Variants in SETD7 observed in about 807,000 individuals in gnomAD.
SETD7 encodes histone-lysine N-methyltransferase SETD7.
In SETD7, 16 loss-of-function variants were observed where a neutral mutation model predicts 41.8. That is an observed-to-expected ratio of 0.38 (90% confidence interval 0.26 to 0.58). The LOEUF is 0.58. Among genes scored for constraint, SETD7 ranks in the 20% least tolerant of loss-of-function variants. The probability of loss-of-function intolerance (pLI) is 0.64; values close to 1 mark genes in which losing one functional copy is unlikely to be tolerated. For synonymous variants in SETD7, 163 were observed against 169.7 expected, an observed-to-expected ratio of 0.96 and a Z score of 0.31; for missense variants, 346 against 459.7, an observed-to-expected ratio of 0.75 and a Z score of 2.26.
chr4:139,551,451 TTATC>T (rs1354968678), intron 1 of SETD7, among the ~76,000 whole-genome samples: 127 of 152,372 alleles, frequency 8.3e-4, no homozygotes, highest in Admixed American at 2.5e-3. Context: ...TCTATGGTCA[TTATC>T]TATTGAACAG....
At chr4:139,501,370 G>A (rs994788739), downstream of SETD7, among the ~76,000 whole-genome samples, 5 of 149,560 alleles carry the variant, frequency 3.3e-5, no homozygotes, top group African/African-American at 7.4e-5. Flanking sequence ...CTTATAAGTG[G>A]GAGCTAAGCT....
At chr4:139,549,377 G>A (rs1013031695) in intron 1 of SETD7, among the ~76,000 whole-genome samples, 6 of 152,064 alleles carry the variant, frequency 3.9e-5, no homozygotes, top group African/African-American at 7.2e-5. Context: ...AACACTGAAG[G>A]TGCACCCTCA....
At chr4:139,526,155 G>T (rs995275455) in intron 4 of SETD7, among the ~76,000 whole-genome samples, 16 of 152,074 alleles carry the variant, frequency 1.1e-4, no homozygotes, top group Non-Finnish European at 1.8e-4. Flanking sequence ...GGTTCAAGCG[G>T]TTCTTGTGCC....
intron 3 of SETD7, among the ~76,000 whole-genome samples, chr4:139,531,324 A>G (rs1440812066): frequency 1.3e-5 from 2 of 152,212 alleles, no homozygotes; most frequent in Non-Finnish European, 2.9e-5. Flanking sequence ...TGTCACAAGT[A>G]AAATGACAGG....
At chr4:139,527,759 A>T (rs561408380) in intron 4 of SETD7, among the ~76,000 whole-genome samples, 1 of 152,064 alleles carries the variant, frequency 6.6e-6, no homozygotes, top group Admixed American at 6.6e-5. Flanking sequence ...TATGTACAAA[A>T]CTCTAGACTT....
chr4:139,540,503 T>C (rs750128239), intron 2 of SETD7, among the ~76,000 whole-genome samples: 7 of 152,236 alleles, frequency 4.6e-5, no homozygotes, highest in Non-Finnish European at 8.8e-5. Context: ...GAATTCGCCT[T>C]GGTGTGAGTC....
In SETD7 at chr4:139,509,135, GC is replaced by G; in HGVS notation, c.*2527del. 6.6e-6 allele frequency: 1 copy of G among 152,642 alleles called. No individual in the cohort carries two copies. The highest frequency in any genetic ancestry group is 3.4e-3 in the Middle Eastern group (1 of 298). The allele number at this position is 152,642 out of a possible 1,614,324, so 9.5% of individuals were successfully genotyped here. On this transcript the variant is annotated 3_prime_UTR_variant, in exon 8 of 8. Transcript: ENST00000274031. ...GACTTGGAACAGGGAACAGGAGAGGGCAGCTGGGGCTGCTGTTACCCAGGAT... is the reference window on the plus strand; with the variant it reads ...GACTTGGAACAGGGAACAGGAGAGGGAGCTGGGGCTGCTGTTACCCAGGAT...
chr4:139,540,187 C>T (rs771187041), intron 2 of SETD7, among the ~76,000 whole-genome samples: 5 of 152,154 alleles, frequency 3.3e-5, no homozygotes, highest in Non-Finnish European at 5.9e-5. Context: ...TAATTATCTC[C>T]GTTTTACAAA....
intron 1 of SETD7, among the ~76,000 whole-genome samples, chr4:139,550,620 T>A (rs1258194215): frequency 6.6e-6 from 1 of 152,202 alleles, no homozygotes; most frequent in Non-Finnish European, 1.5e-5. Context: ...TGCTCTTACA[T>A]CTTCTTTCAA....
At chr4:139,522,955 T>A (rs1727224335) in intron 5 of SETD7, among the ~76,000 whole-genome samples, 1 of 152,188 alleles carries the variant, frequency 6.6e-6, no homozygotes. Context: ...GGTTTCACCA[T>A]GTTGGCCAGG....
intron 4 of SETD7, among the ~76,000 whole-genome samples, chr4:139,523,646 G>A (rs941572312): frequency 6.6e-6 from 1 of 152,196 alleles, no homozygotes; most frequent in Non-Finnish European, 1.5e-5. Flanking sequence ...GCCATCAGAT[G>A]CATCTCTTAA....
At chr4:139,529,802 C>T (rs1245853533) in intron 3 of SETD7, among the ~76,000 whole-genome samples, 1 of 152,204 alleles carries the variant, frequency 6.6e-6, no homozygotes, top group Non-Finnish European at 1.5e-5. Flanking sequence ...AAAAGGATGT[C>T]TGGACACTGC....
downstream of SETD7, among the ~76,000 whole-genome samples, chr4:139,504,566 TG>T (rs1726658321): frequency 6.6e-6 from 1 of 152,200 alleles, no homozygotes; most frequent in East Asian, 1.9e-4. Context: ...AGTCAGATGC[TG>T]AATTGAAACT....
intron 3 of SETD7, among the ~76,000 whole-genome samples, chr4:139,530,923 C>A (rs1280147693): frequency 6.6e-6 from 1 of 152,068 alleles, no homozygotes; most frequent in Admixed American, 6.5e-5. Context: ...TCCCCTTGTT[C>A]CTGCTATGGC....
downstream of SETD7, among the ~76,000 whole-genome samples, chr4:139,495,784 T>G (rs1468717578): frequency 1.3e-5 from 2 of 152,210 alleles, no homozygotes; most frequent in Non-Finnish European, 2.9e-5. Flanking sequence ...AAACGTAATG[T>G]TTAATGATCT....
In SETD7 at chr4:139,541,017, C is replaced by T. The variant is rs552464671; in HGVS notation, c.170+5903G>A. Among the ~76,000 whole-genome samples the T allele has an allele frequency of 4.9e-4, 75 of 152,252 alleles. No homozygotes were observed. In the South Asian group the frequency reaches 0.015, roughly 30 times the overall value. On this transcript the variant is annotated intron_variant, in intron 2 of 7. Coordinates refer to ENST00000274031, the MANE Select transcript of SETD7 (RefSeq NM_030648.4). ...GTTATTTGGCCAGTGATAAATTACA[C>T]GGAGCCCTTTTGGCAAATGTAGCCA...
chr4:139,523,698 A>C (rs751594827), intron 4 of SETD7, among the ~76,000 whole-genome samples: 1 of 152,218 alleles, frequency 6.6e-6, no homozygotes, highest in African/African-American at 2.4e-5. Flanking sequence ...AAAATGACTT[A>C]AAGGATGCTT....
At chr4:139,504,089 G>C (rs530699421), downstream of SETD7, among the ~76,000 whole-genome samples, 1 of 152,126 alleles carries the variant, frequency 6.6e-6, no homozygotes, top group African/African-American at 2.4e-5. Context: ...TAACTGTAGG[G>C]CCACTCAGCA....
At chr4:139,544,133 A>G (rs942814093) in intron 2 of SETD7, among the ~76,000 whole-genome samples, 9 of 151,868 alleles carry the variant, frequency 5.9e-5, no homozygotes, top group African/African-American at 2.2e-4. Flanking sequence ...TATAAAAAAT[A>G]CAAAACAAAT....
Sources: gnomAD v4.1 joint callset for allele counts (sites outside exome capture counted in the v4.1 genomes callset) on GRCh38, gnomAD v4.1.1 for gene constraint, MANE v1.5 for transcripts, NCBI Gene and HGNC (gene_info 2026-07-23, HGNC 2026-07-21) for gene names.